ALPK2: variants seen among roughly 807,000 people sequenced by gnomAD.
The protein encoded by ALPK2 is alpha-protein kinase 2.
ALPK2 carries 127 observed loss-of-function variants against 163.1 expected under a neutral mutation model. The observed-to-expected ratio is 0.78, with a 90% CI of 0.67 to 0.90. The LOEUF is 0.90. ALPK2 is among the 40% of genes least tolerant of loss of function. The probability of loss-of-function intolerance (pLI) is 0.00; values close to 1 mark genes in which losing one functional copy is unlikely to be tolerated. For missense variants in ALPK2, 2,360 were observed against 2,589.6 expected (o/e 0.91, Z 1.92); for synonymous variants, 953 against 959.1 (o/e 0.99, Z 0.12).
chr18:58,553,251 G>C (rs2051769063), intron 4 of ALPK2, among the ~76,000 whole-genome samples: 1 of 152,114 alleles, frequency 6.6e-6, no homozygotes, highest in African/African-American at 2.4e-5. Flanking sequence ...CCCCGGTTTT[G>C]GGTGCTTTGT....
chr18:58,557,928 GACAA>G (rs1455050139), intron 4 of ALPK2, among the ~76,000 whole-genome samples: 4 of 152,048 alleles, frequency 2.6e-5, no homozygotes, highest in African/African-American at 9.7e-5. Flanking sequence ...CAGCCTGGAT[GACAA>G]AACGAGATCC....
intron 8 of ALPK2, among the ~76,000 whole-genome samples, chr18:58,518,985 C>T (rs2144127942): frequency 6.6e-6 from 1 of 152,260 alleles, no homozygotes; most frequent in South Asian, 2.1e-4. Flanking sequence ...TCTTTTGTTA[C>T]AGGGATCTGT....
chr18:58,522,421 T>C (rs912440382), intron 8 of ALPK2, among the ~76,000 whole-genome samples: 12 of 152,130 alleles, frequency 7.9e-5, no homozygotes, highest in South Asian at 4.1e-4. Context: ...GGTGAGTAAT[T>C]CTCCTTAAGA....
intron 4 of ALPK2, among the ~76,000 whole-genome samples, chr18:58,574,873 C>T (rs2051910955): frequency 6.6e-6 from 1 of 152,042 alleles, no homozygotes; most frequent in Non-Finnish European, 1.5e-5. Flanking sequence ...AGAATGTGCT[C>T]AGGAAAATAA....
intron 3 of ALPK2, among the ~76,000 whole-genome samples, chr18:58,585,108 G>A (rs1326151034): frequency 6.6e-6 from 1 of 152,144 alleles, no homozygotes; most frequent in African/African-American, 2.4e-5. Flanking sequence ...ATGTTACCTT[G>A]AATGAAGCTT....
chr18:58,551,226 A>G (rs2051758457), intron 4 of ALPK2, among the ~76,000 whole-genome samples: 1 of 152,144 alleles, frequency 6.6e-6, no homozygotes, highest in African/African-American at 2.4e-5. Flanking sequence ...AAAACACCAC[A>G]GCTTTACTCC....
rs529406113 is a variant in ALPK2 at position 58,547,977 on chromosome 18, G to A, written c.1963-9753C>T. 1.1e-4 allele frequency among the ~76,000 whole-genome samples: 17 copies of A among 152,306 alleles called. No individual in the cohort carries two copies. In the East Asian group the frequency reaches 3.1e-3, roughly 28 times the overall value. On this transcript the variant is annotated intron_variant, in intron 4 of 12. Transcript: ENST00000361673. The stretch of plus-strand genomic sequence containing the variant: ...TCTTTATAGTTTTTAGAATTTGTGA[G>A]TAAAAGCAAAACCAAGGTAGTAGCA...
chr18:58,541,746 A>T (rs956832702), intron 4 of ALPK2, among the ~76,000 whole-genome samples: 3 of 152,158 alleles, frequency 2.0e-5, no homozygotes, highest in Non-Finnish European at 4.4e-5. Context: ...CAATTCCATA[A>T]ATTTGATTTT....
chr18:58,493,355 C>T (rs1467094472), intron 12 of ALPK2, among the ~76,000 whole-genome samples: 1 of 151,954 alleles, frequency 6.6e-6, no homozygotes, highest in African/African-American at 2.4e-5. Flanking sequence ...GGAGTCACCA[C>T]TCATGCACAT....
chr18:58,538,149 C>T lies in ALPK2; in HGVS notation c.2038G>A (p.Glu680Lys), dbSNP rs936645156. 1.2e-6 allele frequency: 2 copies of T among 1,613,700 alleles called. No individual in the cohort carries two copies. Among genetic ancestry groups the T allele is most frequent in the African/African-American group, 1.3e-5 (1 of 74,906 alleles). Residue 680 changes from glutamate to lysine, a missense_variant, in exon 5 of 13, where the codon GAG becomes AAG. By Grantham distance (56) the Glu-to-Lys change is moderately conservative (BLOSUM62 1). Transcript: ENST00000361673. ...MPAFSEPAGEESPFTGTTTIS... is the reference protein window; with the variant it reads ...MPAFSEPAGEKSPFTGTTTIS... ...GTTGTGGTCCCAGTGAATGGGGACT[C>T]CTCCCCAGCAGGCTCTGAGAAAGCT...
chr18:58,590,938 C>A (rs560880946), intron 3 of ALPK2, among the ~76,000 whole-genome samples: 1 of 152,196 alleles, frequency 6.6e-6, no homozygotes, highest in Non-Finnish European at 1.5e-5. Context: ...CTGCAACACC[C>A]GGCTCCCATG....
chr18:58,536,866 A>G lies in ALPK2; in HGVS notation c.3321T>C (p.Ser1107=). The change falls in exon 5 of 13, where the codon TCT becomes TCC. Residue 1107 remains serine (S), a synonymous_variant. Coordinates refer to ENST00000361673, the MANE Select transcript of ALPK2 (RefSeq NM_052947.4). ...SNSPLQVDNL[S]GDKSQTVDRA... ...TGTCCACAGTCTGGCTCTTATCTCC[A>G]GACAGGTTATCAACCTGAAGAGGGG... is the stretch of plus-strand genomic sequence containing the variant. 1 of 1,614,136 alleles carries G rather than the reference A, an allele frequency of 6.2e-7. No homozygotes were observed. The highest frequency in any genetic ancestry group is 1.1e-5 in the South Asian group (1 of 91,080).
At chr18:58,609,302 T>G (rs1470299277) in intron 2 of ALPK2, among the ~76,000 whole-genome samples, 1 of 152,182 alleles carries the variant, frequency 6.6e-6, no homozygotes, top group Non-Finnish European at 1.5e-5. Context: ...CTTACAGGCA[T>G]TTGCCTATAA....
At chr18:58,567,333 G>A (rs141260292) in intron 4 of ALPK2, among the ~76,000 whole-genome samples, 9 of 152,070 alleles carry the variant, frequency 5.9e-5, no homozygotes, top group African/African-American at 1.7e-4. Flanking sequence ...GCAGTGAGCC[G>A]AGATTGCGCC....
At chr18:58,620,096 GC>G (rs1348534623) in intron 1 of ALPK2, among the ~76,000 whole-genome samples, 1 of 152,156 alleles carries the variant, frequency 6.6e-6, no homozygotes, top group Non-Finnish European at 1.5e-5. Context: ...TTTGAGACCA[GC>G]CAGGCCAACA....
At chr18:58,582,427 T>C (rs2051963193) in intron 3 of ALPK2, among the ~76,000 whole-genome samples, 1 of 152,158 alleles carries the variant, frequency 6.6e-6, no homozygotes, top group Non-Finnish European at 1.5e-5. Flanking sequence ...CTGATGCAAA[T>C]TGTCCTTGGC....
At chr18:58,516,614 C>T (rs1402315505) in intron 9 of ALPK2, among the ~76,000 whole-genome samples, 1 of 152,178 alleles carries the variant, frequency 6.6e-6, no homozygotes. Flanking sequence ...CAAGTAGACT[C>T]AAACCGCCAG....
At chr18:58,548,600 C>T (rs892599772) in intron 4 of ALPK2, among the ~76,000 whole-genome samples, 2 of 152,226 alleles carry the variant, frequency 1.3e-5, no homozygotes, top group Admixed American at 6.5e-5. Context: ...GGATTACAGG[C>T]GTGAGTCACC....
chr18:58,622,797 TC>T (rs2052208990), intron 1 of ALPK2, among the ~76,000 whole-genome samples: 1 of 152,140 alleles, frequency 6.6e-6, no homozygotes, highest in African/African-American at 2.4e-5. Context: ...TTGCCCAGGC[TC>T]CTTATGTTCC....
Sources: allele counts gnomAD v4.1 joint callset (sites outside exome capture counted in the v4.1 genomes callset), GRCh38; gene constraint gnomAD v4.1.1; transcripts MANE v1.5; gene names NCBI Gene and HGNC (gene_info 2026-07-23, HGNC 2026-07-21).